The following PGM2 variants were observed in gnomAD, a reference collection of about 807,000 sequenced individuals.
PGM2 encodes phosphoglucomutase 2.
A neutral mutation model predicts 74.6 loss-of-function variants in PGM2; 57 were observed. The ratio of observed to expected loss-of-function variants is 0.76; its 90% CI spans 0.62 to 0.95. The LOEUF (loss-of-function observed/expected upper bound fraction) is 0.95. Among genes scored for constraint, PGM2 ranks in the 40% least tolerant of loss-of-function variants. PGM2 has a pLI of 0.00. For missense variants in PGM2, 706 were observed against 741.9 expected (o/e 0.95, Z 0.56); for synonymous variants, 273 against 260.7 (o/e 1.05, Z -0.46).
At position 37,861,647 on chromosome 4, in the gene PGM2, A is replaced by C. The variant is rs1450688247; in HGVS notation, c.*35A>C. 7.6e-7 allele frequency: 1 copy of C among 1,316,110 alleles called. No individual in the cohort carries two copies. The highest frequency in any genetic ancestry group is 1.4e-5 in the African/African-American group (1 of 69,164). The allele number at this position is 1,316,110 out of a possible 1,614,324, so 81.5% of individuals were successfully genotyped here. Reference sequence around the variant, plus strand: ...GCCTTGGGTATACTTGCATTTACCTACAATTAAGCTGGGTTTAACTTGTTA... The same window carrying C: ...GCCTTGGGTATACTTGCATTTACCTCCAATTAAGCTGGGTTTAACTTGTTA... On this transcript the variant is annotated 3_prime_UTR_variant, in exon 14 of 14. Transcript: ENST00000381967.
intron 6 of PGM2, among the ~76,000 whole-genome samples, chr4:37,842,743 C>G (rs1040517297): frequency 1.3e-5 from 2 of 151,970 alleles, no homozygotes; most frequent in Non-Finnish European, 2.9e-5. Context: ...TCACTGCGGC[C>G]TTGACCTCCC....
rs1367451378 is a variant in PGM2 at position 37,848,526 on chromosome 4, C to T, written c.1287C>T (p.Tyr429=). Residue 429 remains tyrosine (Y), a synonymous_variant, in exon 11 of 14, where the codon TAC becomes TAT. Coordinates refer to ENST00000381967, the MANE Select transcript of PGM2 (RefSeq NM_018290.4). The part of the protein sequence containing the change: ...VLFAFEEAIG[Y]MCCPFVLDKD... The stretch of plus-strand genomic sequence containing the variant: ...GTATGACGTGTGTTTCTGCAGGATA[C>T]ATGTGCTGCCCTTTTGTTCTGGACA... 1 of 1,612,834 alleles carries T rather than the reference C, an allele frequency of 6.2e-7. No homozygotes were observed. The highest frequency in any genetic ancestry group is 1.7e-5 in the Admixed American group (1 of 59,888).
At chr4:37,856,860 A>G (rs1014585576) in intron 13 of PGM2, among the ~76,000 whole-genome samples, 1 of 152,186 alleles carries the variant, frequency 6.6e-6, no homozygotes, top group Non-Finnish European at 1.5e-5. Flanking sequence ...AATTTCAATA[A>G]TGTATTTTAC....
At chr4:37,860,530 A>T (rs1201548039) in intron 13 of PGM2, among the ~76,000 whole-genome samples, 1 of 152,230 alleles carries the variant, frequency 6.6e-6, no homozygotes, top group Non-Finnish European at 1.5e-5. Context: ...ATAGAGCCAG[A>T]ATTAATGTCT....
intron 3 of PGM2, among the ~76,000 whole-genome samples, chr4:37,836,039 G>C (rs1470462545): frequency 7.9e-5 from 12 of 152,234 alleles, no homozygotes; most frequent in Non-Finnish European, 1.5e-4. Context: ...CCTTTGCTCA[G>C]AGCATGCAAA....
chr4:37,841,072 GTATATA>G (rs36127170), intron 6 of PGM2, among the ~76,000 whole-genome samples: 34,084 of 113,670 alleles, frequency 0.3, 5,283 homozygotes, highest in Non-Finnish European at 0.34. Context: ...ATATGCAAGC[GTATATA>G]TATATATATA....
chr4:37,828,429 CCATT>C (rs1725353930), intron 1 of PGM2, among the ~76,000 whole-genome samples: 1 of 151,886 alleles, frequency 6.6e-6, no homozygotes, highest in African/African-American at 2.4e-5. Flanking sequence ...GAGAAGAAGC[CCATT>C]CATTCTCCAG....
At chr4:37,839,409 C>A in intron 4 of PGM2, 1 of 378,180 alleles carries the variant, frequency 2.6e-6, no homozygotes, top group East Asian at 7.2e-5. Context: ...GACACCACCC[C>A]TGGCCCCTCA....
chr4:37,858,455 G>C (rs1276797148), intron 13 of PGM2, among the ~76,000 whole-genome samples: 1 of 151,300 alleles, frequency 6.6e-6, no homozygotes, highest in African/African-American at 2.4e-5. Context: ...TTGTGCCTCA[G>C]CCTCCTGAGT....
chr4:37,847,421 G>A (rs548750954), intron 10 of PGM2, 126 bp downstream of exon 10: 6 of 659,464 alleles, frequency 9.1e-6, no homozygotes, highest in East Asian at 2.7e-5. Context: ...GTTGAATGTC[G>A]AACTGTCCTA....
At chr4:37,860,083 C>T (rs758282753) in intron 13 of PGM2, among the ~76,000 whole-genome samples, 15 of 152,134 alleles carry the variant, frequency 9.9e-5, no homozygotes, top group Non-Finnish European at 1.8e-4. Flanking sequence ...AAACATATCA[C>T]TGCATACATG....
At chr4:37,861,482 C>T (rs749570954) in intron 13 of PGM2, 28 bp from the exon 14 acceptor site, 2 of 1,475,776 alleles carry the variant, frequency 1.4e-6, no homozygotes, top group African/African-American at 1.4e-5. Flanking sequence ...ATCCCTTGAC[C>T]TGGATTTTTT....
intron 11 of PGM2, among the ~76,000 whole-genome samples, chr4:37,849,412 T>C (rs1189559450): frequency 7.0e-6 from 1 of 142,530 alleles, no homozygotes; most frequent in Admixed American, 7.0e-5. Context: ...CTCTTTTTTT[T>C]TTTTTTTTTT....
rs1182646914 is a variant in PGM2 at position 37,830,075 on chromosome 4, G to A, written c.193G>A (p.Ala65Thr). Residue 65 changes from alanine (A) to threonine (T), a missense_variant, in exon 2 of 14, where the codon GCT becomes ACT. This residue lies in a region of PGM2 where 332 missense variants were observed against 334.9 expected (regional missense o/e 0.99). Coordinates refer to ENST00000381967, the MANE Select transcript of PGM2 (RefSeq NM_018290.4). ...GTTTGGGACAGCTGGCCTCCGAGCT[G>A]CTATGGGACCTGGAATTTCTCGTAT... is the stretch of plus-strand genomic sequence containing the variant. ...MEFGTAGLRA[A>T]MGPGISRMND... The A allele has an allele frequency of 6.2e-7, 1 of 1,605,566 alleles. No individual in the cohort carries two copies. The highest frequency in any genetic ancestry group is 1.1e-5 in the South Asian group (1 of 89,672).
chr4:37,852,913 T>C (rs1303178264), intron 12 of PGM2, among the ~76,000 whole-genome samples: 2 of 152,214 alleles, frequency 1.3e-5, no homozygotes, highest in Non-Finnish European at 2.9e-5. Context: ...TGAGAAGTTT[T>C]CTTGATTATG....
chr4:37,836,067 A>C (rs1375236017), intron 3 of PGM2, among the ~76,000 whole-genome samples: 2 of 152,258 alleles, frequency 1.3e-5, no homozygotes, highest in Admixed American at 1.3e-4. Flanking sequence ...TATGTGGCTA[A>C]GTCTGTCTGC....
At chr4:37,830,450 C>T (rs1441293162) in intron 2 of PGM2, among the ~76,000 whole-genome samples, 1 of 152,182 alleles carries the variant, frequency 6.6e-6, no homozygotes, top group African/African-American at 2.4e-5. Context: ...TATAAATGCA[C>T]CAACTAAGCT....
At chr4:37,855,505 C>T (rs1339171919) in intron 12 of PGM2, 103 bp from the exon 13 acceptor site, 31 of 996,764 alleles carry the variant, frequency 3.1e-5, no homozygotes, top group South Asian at 1.1e-4. Context: ...CTTTTCTAAC[C>T]AATAGATTTG....
intron 13 of PGM2, among the ~76,000 whole-genome samples, chr4:37,860,966 G>T (rs760058329): frequency 6.6e-6 from 1 of 152,050 alleles, no homozygotes; most frequent in Non-Finnish European, 1.5e-5. Context: ...CTGATTTCTT[G>T]GTGTTTGACT....
Sources: gnomAD v4.1 joint callset for allele counts (sites outside exome capture counted in the v4.1 genomes callset) on GRCh38, gnomAD v4.1.1 for gene constraint, gnomAD v4.1.1 regional missense constraint, MANE v1.5 for transcripts, NCBI Gene and HGNC (gene_info 2026-07-23, HGNC 2026-07-21) for gene names.